The following TAAR1 variants were observed in gnomAD, a reference collection of about 807,000 sequenced individuals.
TAAR1 encodes the protein trace amine-associated receptor 1.
A neutral mutation model predicts 1.2 loss-of-function variants in TAAR1; 1 was observed. That is an observed-to-expected ratio of 0.81 (90% CI 0.29 to 3.86). The LOEUF (loss-of-function observed/expected upper bound fraction) is 3.86, where lower values mean the gene tolerates loss of function less well. TAAR1 is among the 30% of genes most tolerant of loss of function. TAAR1 has a pLI of 0.18. For missense variants in TAAR1, 445 were observed against 405.6 expected, an observed-to-expected ratio of 1.10 and a Z score of -0.83; for synonymous variants, 153 against 132.2, an observed-to-expected ratio of 1.16 and a Z score of -1.08.
chr6:132,657,480 C>T (rs1777817188), intron 1 of TAAR1, among the ~76,000 whole-genome samples: 1 of 151,210 alleles, frequency 6.6e-6, no homozygotes, highest in Non-Finnish European at 1.5e-5. Context: ...AGAAAGTTGT[C>T]AATAGTATAT....
chr6:132,645,213 C>A lies in TAAR1; in HGVS notation c.791G>T (p.Trp264Leu), dbSNP rs779799468. Reference sequence around the variant, plus strand: ...GACTGTACAGATAAAGAAAGGGCACCAGCATATTAGGAAAACTCCCATCAC... The same window carrying A: ...GACTGTACAGATAAAGAAAGGGCACAAGCATATTAGGAAAACTCCCATCAC... ...GIVMGVFLICWCPFFICTVMD... is the reference protein window; with the variant it reads ...GIVMGVFLICLCPFFICTVMD... Residue 264 changes from tryptophan (W) to leucine (L), a missense_variant, in exon 2 of 2, where the codon TGG becomes TTG. Coordinates refer to ENST00000275216, the MANE Select transcript of TAAR1 (RefSeq NM_138327.4). 1.2e-6 allele frequency: 2 copies of A among 1,613,484 alleles called. No homozygotes were observed. The highest frequency in any genetic ancestry group is 4.5e-5 in the East Asian group (2 of 44,854).
intron 1 of TAAR1, among the ~76,000 whole-genome samples, chr6:132,654,638 C>A (rs998301428): frequency 5.9e-5 from 9 of 152,254 alleles, no homozygotes; most frequent in African/African-American, 2.2e-4. Flanking sequence ...TATTCAAGGG[C>A]TTATAGCACC....
chr6:132,649,533 T>C (rs546802504), intron 1 of TAAR1, among the ~76,000 whole-genome samples: 2 of 152,278 alleles, frequency 1.3e-5, no homozygotes. Flanking sequence ...GACTGGGTAA[T>C]TTATAAAGGA....
At position 132,644,258 on chromosome 6, in the gene TAAR1, GC is replaced by G. The variant is rs1416524857; in HGVS notation, c.*725del. The stretch of plus-strand genomic sequence containing the variant: ...ATATTTAGTTAATATGTGCACATAT[GC>G]CCCGACTCCAAAATAAAAGTTGAAA... On this transcript the variant is annotated 3_prime_UTR_variant, in exon 2 of 2. Coordinates refer to ENST00000275216, the MANE Select transcript of TAAR1 (RefSeq NM_138327.4). Among the ~76,000 whole-genome samples the G allele has an allele frequency of 1.3e-5, 2 of 151,696 alleles. No individual in the cohort carries two copies. The highest frequency in any genetic ancestry group is 2.9e-5 in the Non-Finnish European group (2 of 67,892).
At chr6:132,647,454 G>T (rs1777688086) in intron 1 of TAAR1, among the ~76,000 whole-genome samples, 1 of 144,624 alleles carries the variant, frequency 6.9e-6, no homozygotes, top group Non-Finnish European at 1.5e-5. Context: ...GAGAGAGAGA[G>T]AAAGGAAGAA....
At chr6:132,647,644 GAAAGAAAGAAAGAAAGAAAGAA>G (rs1777697475) in intron 1 of TAAR1, among the ~76,000 whole-genome samples, 31 of 137,464 alleles carry the variant, frequency 2.3e-4, no homozygotes, top group African/African-American at 8.5e-4. Context: ...AAGAAAGAAA[GAAAGAAAGAAAGAAAGAAAGAA>G]AGAAAGAAAG....
chr6:132,651,105 C>T (rs1210351198), intron 1 of TAAR1, among the ~76,000 whole-genome samples: 1 of 152,168 alleles, frequency 6.6e-6, no homozygotes, highest in Non-Finnish European at 1.5e-5. Context: ...CTTGCTTGGC[C>T]TTTCAATTCC....
intron 1 of TAAR1, among the ~76,000 whole-genome samples, chr6:132,648,568 T>C (rs1777713434): frequency 1.3e-5 from 2 of 152,188 alleles, no homozygotes; most frequent in Non-Finnish European, 2.9e-5. Context: ...AGGCACAGTA[T>C]CTTAGAAATT....
At chr6:132,655,434 C>A (rs975683038) in intron 1 of TAAR1, among the ~76,000 whole-genome samples, 8 of 143,984 alleles carry the variant, frequency 5.6e-5, no homozygotes, top group African/African-American at 7.9e-5. Flanking sequence ...GCCTGGAGTG[C>A]AATGGTGCCA....
chr6:132,644,467 A>G lies in TAAR1; in HGVS notation c.*517T>C, dbSNP rs1220594542. On this transcript the variant is annotated 3_prime_UTR_variant, in exon 2 of 2. Transcript: ENST00000275216. ...AAAAACATAATTTAAAAATGTGAAG[A>G]TCAAGATATTTAAGGATTGGAATAT... Among the ~76,000 whole-genome samples the G allele has an allele frequency of 2.0e-5, 3 of 152,022 alleles. No homozygotes were observed. The highest frequency in any genetic ancestry group is 4.4e-5 in the Non-Finnish European group (3 of 67,952).
Position 132,644,694 on chromosome 6 carries a change from A to G in TAAR1, c.*290T>C, listed in dbSNP as rs1250458432. Among the ~76,000 whole-genome samples, 1 of 152,084 alleles carries G rather than the reference A, an allele frequency of 6.6e-6. No individual in the cohort carries two copies. Among genetic ancestry groups the G allele is most frequent in the African/African-American group, 2.4e-5 (1 of 41,430 alleles). ...ACTGAACAGCTGACTAAGGTACCAC[A>G]GTAAACTCATGGCAGTTCTTCTAAG... On this transcript the variant is annotated 3_prime_UTR_variant, in exon 2 of 2. Coordinates refer to ENST00000275216, the MANE Select transcript of TAAR1 (RefSeq NM_138327.4).
In TAAR1 at chr6:132,645,652, A is replaced by G. The variant is rs1777661598; in HGVS notation, c.352T>C (p.Ser118Pro). Residue 118 changes from serine (S) to proline (P), a missense_variant, in exon 2 of 2, where the codon TCC becomes CCC. Ser to Pro is a moderately conservative substitution (Grantham distance 74, BLOSUM62 -1). Transcript: ENST00000275216. ...SASIFHLSFI[S>P]IDRYYAVCDP... ...CACACAGCATAGTAGCGGTCAATGGAGATGAAAGACAAATGGAAAATGGAG... is the reference window on the plus strand; with the variant it reads ...CACACAGCATAGTAGCGGTCAATGGGGATGAAAGACAAATGGAAAATGGAG... 2.5e-6 allele frequency: 4 copies of G among 1,613,634 alleles called. No homozygotes were observed. Among genetic ancestry groups the G allele is most frequent in the Non-Finnish European group, 3.4e-6 (4 of 1,179,800 alleles).
chr6:132,644,297 A>C lies in TAAR1; in HGVS notation c.*687T>G, dbSNP rs186843243. On this transcript the variant is annotated 3_prime_UTR_variant, in exon 2 of 2. Coordinates refer to ENST00000275216, the MANE Select transcript of TAAR1 (RefSeq NM_138327.4). The stretch of plus-strand genomic sequence containing the variant: ...ATAAAAGTTGAAAAAGAGAAATATT[A>C]ATATAAAATAAAGAATTTTAGATGA... 3.1e-3 allele frequency among the ~76,000 whole-genome samples: 471 copies of C among 152,090 alleles called. 4 individuals are homozygous for C. Among genetic ancestry groups the C allele is most frequent in the African/African-American group, 0.011 (457 of 41,520 alleles).
chr6:132,649,858 C>T lies in TAAR1; in HGVS notation c.-126-3729G>A, dbSNP rs1777731480. On this transcript the variant is annotated intron_variant, in intron 1 of 1. Coordinates refer to ENST00000275216, the MANE Select transcript of TAAR1 (RefSeq NM_138327.4). Reference sequence around the variant, plus strand: ...GTGGGGACACAAACCATACCAACTTCCTCCTATTGCAGGCATGTACAGACT... The same window carrying T: ...GTGGGGACACAAACCATACCAACTTTCTCCTATTGCAGGCATGTACAGACT... Among the ~76,000 whole-genome samples the T allele has an allele frequency of 2.0e-5, 3 of 152,232 alleles. No homozygotes were observed. The South Asian group carries it at 6.2e-4, about 32-fold the overall frequency.
chr6:132,653,446 G>T (rs1562204406), intron 1 of TAAR1, among the ~76,000 whole-genome samples: 1 of 152,210 alleles, frequency 6.6e-6, no homozygotes, highest in Non-Finnish European at 1.5e-5. Context: ...TGGTCGGCAT[G>T]TTTGGGTTTT....
Position 132,644,550 on chromosome 6 carries a change from T to C in TAAR1, c.*434A>G, listed in dbSNP as rs1208603917. Among the ~76,000 whole-genome samples the C allele has an allele frequency of 6.6e-6, 1 of 152,072 alleles. No homozygotes were observed. The highest frequency in any genetic ancestry group is 1.5e-5 in the Non-Finnish European group (1 of 67,952). ...AATTATTTAGCGGTAACATTTAATG[T>C]GTGTACTTTTAGTTGATTTTACTAA... On this transcript the variant is annotated 3_prime_UTR_variant, in exon 2 of 2. Coordinates refer to ENST00000275216, the MANE Select transcript of TAAR1 (RefSeq NM_138327.4).
At chr6:132,652,268 A>G (rs1777757618) in intron 1 of TAAR1, among the ~76,000 whole-genome samples, 1 of 151,644 alleles carries the variant, frequency 6.6e-6, no homozygotes, top group South Asian at 2.1e-4. Context: ...TTTTTTTGGT[A>G]AAAGTGTAAA....
Position 132,643,710 on chromosome 6 carries a change from C to G in TAAR1, c.*1274G>C, listed in dbSNP as rs374927411. On this transcript the variant is annotated 3_prime_UTR_variant, in exon 2 of 2. Coordinates refer to ENST00000275216, the MANE Select transcript of TAAR1 (RefSeq NM_138327.4). Reference sequence around the variant, plus strand: ...ATCCAAATCCCCAGTGATACTCAATCTGAAACAGACCATGTGAAGTTTGTA... The same window carrying G: ...ATCCAAATCCCCAGTGATACTCAATGTGAAACAGACCATGTGAAGTTTGTA... 2.6e-4 allele frequency among the ~76,000 whole-genome samples: 39 copies of G among 152,130 alleles called. No homozygotes were observed. Among genetic ancestry groups the G allele is most frequent in the African/African-American group, 9.4e-4 (39 of 41,540 alleles).
At position 132,647,648 on chromosome 6, in the gene TAAR1, GAAAGAAAGAA is replaced by G. The variant is rs1298040851; in HGVS notation, c.-126-1529_-126-1520del. On this transcript the variant is annotated intron_variant, in intron 1 of 1. Coordinates refer to ENST00000275216, the MANE Select transcript of TAAR1 (RefSeq NM_138327.4). Reference sequence around the variant, plus strand: ...GGAAAGAAAGAAAGAAAGAAAGAAAGAAAGAAAGAAAGAAAGAAAGAAAGAAAGAAAGAAG... The same window carrying G: ...GGAAAGAAAGAAAGAAAGAAAGAAAGAGAAAGAAAGAAAGAAAGAAAGAAG... Among the ~76,000 whole-genome samples the G allele has an allele frequency of 1.6e-3, 230 of 145,662 alleles. 2 individuals are homozygous for G. The highest frequency in any genetic ancestry group is 2.7e-3 in the Non-Finnish European group (178 of 66,192).
Sources: gnomAD v4.1 joint callset for allele counts (sites outside exome capture counted in the v4.1 genomes callset) on GRCh38, gnomAD v4.1.1 for gene constraint, MANE v1.5 for transcripts, NCBI Gene and HGNC (gene_info 2026-07-23, HGNC 2026-07-21) for gene names.